Variants in WIPF1 observed in about 807,000 individuals in gnomAD.
The protein encoded by WIPF1 is WAS/WASL-interacting protein family member 1.
WIPF1 carries 13 observed loss-of-function variants against 35.4 expected under a neutral mutation model. That is an observed-to-expected ratio of 0.37 (90% confidence interval 0.24 to 0.58). The LOEUF is 0.58. WIPF1 is among the 20% of genes least tolerant of loss of function. The probability of loss-of-function intolerance (pLI) is 0.74; values close to 1 mark genes in which losing one functional copy is unlikely to be tolerated. For missense variants in WIPF1, 591 were observed against 667.0 expected, an observed-to-expected ratio of 0.89 and a Z score of 1.25; for synonymous variants, 267 against 266.3, an observed-to-expected ratio of 1.00 and a Z score of -0.02.
intron 7 of WIPF1, among the ~76,000 whole-genome samples, chr2:174,564,105 C>T (rs1684568277): frequency 6.6e-6 from 1 of 152,234 alleles, no homozygotes; most frequent in South Asian, 2.1e-4. Context: ...CAAGTGCATT[C>T]GGTACTGCTC....
At chr2:174,579,835 A>G (rs550499840) in intron 3 of WIPF1, among the ~76,000 whole-genome samples, 31 of 152,352 alleles carry the variant, frequency 2.0e-4, no homozygotes, top group African/African-American at 6.7e-4. Context: ...ACCATGATTC[A>G]GATGGCTATT....
At chr2:174,575,016 T>A in intron 4 of WIPF1, 188 bp downstream of exon 4, 1 of 847,910 alleles carries the variant, frequency 1.2e-6, no homozygotes. Context: ...TAGTTCTGTG[T>A]AGCTGTCTGA....
intron 1 of WIPF1, among the ~76,000 whole-genome samples, chr2:174,651,503 T>A (rs1687532095): frequency 1.3e-5 from 2 of 152,352 alleles, no homozygotes; most frequent in African/African-American, 4.8e-5. Context: ...TTGGTTTTGT[T>A]GCCTCTCACT....
At position 174,662,337 on chromosome 2, in the gene WIPF1, G is replaced by C. The variant is rs565598507; in HGVS notation, c.-39+20437C>G. Among the ~76,000 whole-genome samples the C allele has an allele frequency of 3.3e-5, 5 of 152,262 alleles. No individual in the cohort carries two copies. The South Asian group carries it at 1.0e-3, about 32-fold the overall frequency. On this transcript the variant is annotated intron_variant, in intron 1 of 8. Transcript: ENST00000272746. ...TTCTATCCTCGCTTGGCTGGACTGCGGATGTAGAGGGTCAACTGTTCCCCA... is the reference window on the plus strand; with the variant it reads ...TTCTATCCTCGCTTGGCTGGACTGCCGATGTAGAGGGTCAACTGTTCCCCA...
chr2:174,667,694 C>T (rs1687921501), intron 1 of WIPF1, among the ~76,000 whole-genome samples: 1 of 152,186 alleles, frequency 6.6e-6, no homozygotes, highest in Non-Finnish European at 1.5e-5. Flanking sequence ...CCGGGAGGGG[C>T]TTAAAGCTCT....
intron 1 of WIPF1, chr2:174,673,524 A>T (rs1214456031): frequency 6.6e-6 from 1 of 152,250 alleles, no homozygotes; most frequent in Non-Finnish European, 1.5e-5. Context: ...GCTGTGTCGG[A>T]ACTTCAGCCT....
intron 1 of WIPF1, among the ~76,000 whole-genome samples, chr2:174,625,107 G>A (rs1219934419): frequency 6.6e-6 from 1 of 152,182 alleles, no homozygotes; most frequent in Non-Finnish European, 1.5e-5. Context: ...CTTTCTGGGA[G>A]CAGCCAGGGA....
At chr2:174,658,677 T>G (rs1687694678) in intron 1 of WIPF1, among the ~76,000 whole-genome samples, 1 of 151,814 alleles carries the variant, frequency 6.6e-6, no homozygotes, top group South Asian at 2.1e-4. Context: ...TTGAAATGGG[T>G]AAAACAGTGT....
intron 1 of WIPF1, among the ~76,000 whole-genome samples, chr2:174,608,266 C>T (rs367880425): frequency 9.9e-5 from 15 of 152,276 alleles, no homozygotes; most frequent in African/African-American, 3.6e-4. Context: ...AACGGCTTCA[C>T]GTACTCATAT....
rs74516488 is a variant in WIPF1 at position 174,644,921 on chromosome 2, G to A, written c.-39+37853C>T. ...AGCTTTGATATCACTGGAGGGATAT[G>A]GCGGAAATTCTGGCCATAAAATACA... On this transcript the variant is annotated intron_variant, in intron 1 of 8. Transcript: ENST00000272746. Among the ~76,000 whole-genome samples the A allele has an allele frequency of 1.5e-3, 226 of 152,214 alleles. 2 individuals carry two copies. The highest frequency in any genetic ancestry group is 5.2e-3 in the African/African-American group (216 of 41,528).
chr2:174,664,473 A>C (rs970620213), intron 1 of WIPF1, among the ~76,000 whole-genome samples: 33 of 152,324 alleles, frequency 2.2e-4, no homozygotes, highest in African/African-American at 7.7e-4. Context: ...TACCACACAG[A>C]AACTTGGGGT....
intron 1 of WIPF1, among the ~76,000 whole-genome samples, chr2:174,635,041 G>A (rs1402697861): frequency 6.6e-6 from 1 of 152,158 alleles, no homozygotes; most frequent in Non-Finnish European, 1.5e-5. Flanking sequence ...ACTCCTCTCT[G>A]GAGGGCACCA....
rs1296862892 is a variant in WIPF1 at position 174,561,652 on chromosome 2, A to AG, written c.*894dup. 6.2e-6 allele frequency: 1 copy of AG among 161,502 alleles called. No individual in the cohort carries two copies. Among genetic ancestry groups the AG allele is most frequent in the Non-Finnish European group, 1.4e-5 (1 of 73,004 alleles). 10.0% of individuals were successfully genotyped at this position (161,502 alleles called of 1,614,324 possible). A position where few individuals can be genotyped will look rare whatever the true frequency, so the allele number is the denominator to read the frequency against. ...CGAAGGTCAAACTGTGTGTCAAACA[A>AG]GGTGCTGGGTCCTAATTTTATTTTT... On this transcript the variant is annotated 3_prime_UTR_variant, in exon 8 of 8. Coordinates refer to ENST00000679041, the MANE Select transcript of WIPF1 (RefSeq NM_001375834.1).
At chr2:174,584,181 A>T (rs938903725) in intron 2 of WIPF1, among the ~76,000 whole-genome samples, 1 of 152,210 alleles carries the variant, frequency 6.6e-6, no homozygotes, top group Non-Finnish European at 1.5e-5. Flanking sequence ...TTAGTTTTTT[A>T]AAAAAGACAC....
intron 1 of WIPF1, among the ~76,000 whole-genome samples, chr2:174,611,249 A>G (rs1035831316): frequency 2.0e-5 from 3 of 152,208 alleles, no homozygotes; most frequent in Non-Finnish European, 4.4e-5. Flanking sequence ...TATGAAGAGC[A>G]GCCTCACCAA....
intron 1 of WIPF1, among the ~76,000 whole-genome samples, chr2:174,650,482 G>A (rs1001619518): frequency 2.0e-5 from 3 of 151,952 alleles, no homozygotes; most frequent in Non-Finnish European, 2.9e-5. Context: ...GGCAAACACC[G>A]GGATACGAAA....
intron 5 of WIPF1, among the ~76,000 whole-genome samples, chr2:174,569,000 T>C (rs761920569): frequency 3.4e-4 from 51 of 152,138 alleles, no homozygotes; most frequent in Non-Finnish European, 6.2e-4. Flanking sequence ...GCAGGGGCTA[T>C]TTGAGTAGTA....
At chr2:174,633,303 C>T (rs1687084947) in intron 1 of WIPF1, among the ~76,000 whole-genome samples, 1 of 152,192 alleles carries the variant, frequency 6.6e-6, no homozygotes, top group South Asian at 2.1e-4. Context: ...CAAGTTGAGT[C>T]CACGAGCCCC....
At chr2:174,668,032 C>T (rs1450609022) in intron 1 of WIPF1, among the ~76,000 whole-genome samples, 1 of 152,156 alleles carries the variant, frequency 6.6e-6, no homozygotes, top group African/African-American at 2.4e-5. Context: ...TGCTAAGCAC[C>T]CTCCCCAGCC....
Sources: gnomAD v4.1 joint callset for allele counts (sites outside exome capture counted in the v4.1 genomes callset) on GRCh38, gnomAD v4.1.1 for gene constraint, MANE v1.5 for transcripts, NCBI Gene and HGNC (gene_info 2026-07-23, HGNC 2026-07-21) for gene names.